MYRIP: variants seen among roughly 807,000 people sequenced by gnomAD.
MYRIP encodes the protein rab effector MyRIP.
Under a neutral mutation model 98.0 loss-of-function variants are expected in MYRIP, and 49 were observed. That is an observed-to-expected ratio of 0.50 (90% CI 0.40 to 0.63). The LOEUF is 0.63. Ranked by LOEUF, MYRIP falls within the 30% of genes least tolerant of loss-of-function variation. The probability of loss-of-function intolerance (pLI) is 0.00; values close to 1 mark genes in which losing one functional copy is unlikely to be tolerated. For missense variants in MYRIP, 1,004 were observed against 1,058.2 expected, an observed-to-expected ratio of 0.95 and a Z score of 0.71; for synonymous variants, 404 against 409.5, an observed-to-expected ratio of 0.99 and a Z score of 0.16.
intron 3 of MYRIP, among the ~76,000 whole-genome samples, chr3:40,093,253 G>A (rs144540207): frequency 1.3e-5 from 2 of 152,330 alleles, no homozygotes; most frequent in African/African-American, 4.8e-5. Flanking sequence ...CAGTGACCCA[G>A]TGGCTGCAGG....
chr3:39,878,155 C>T (rs4676530), intron 1 of MYRIP, among the ~76,000 whole-genome samples: 48,802 of 152,066 alleles, frequency 0.32, 7,960 homozygotes, highest in Middle Eastern at 0.46. Flanking sequence ...GAGCCATATG[C>T]GGGATATAAT....
chr3:39,903,401 C>A (rs550108263), intron 2 of MYRIP, among the ~76,000 whole-genome samples: 10 of 152,222 alleles, frequency 6.6e-5, no homozygotes, highest in Non-Finnish European at 1.0e-4. Context: ...CCTTTTCCCC[C>A]GACCAGCTGT....
chr3:39,893,322 C>T (rs1488409439), intron 1 of MYRIP, among the ~76,000 whole-genome samples: 3 of 152,024 alleles, frequency 2.0e-5, no homozygotes, highest in Non-Finnish European at 4.4e-5. Flanking sequence ...ATAATAGGAA[C>T]CTGAGTAATT....
At chr3:40,137,674 AG>A (rs2125557198) in intron 3 of MYRIP, among the ~76,000 whole-genome samples, 1 of 152,300 alleles carries the variant, frequency 6.6e-6, no homozygotes, top group African/African-American at 2.4e-5. Flanking sequence ...CACGTCAAAA[AG>A]CTTATCCACC....
intron 2 of MYRIP, among the ~76,000 whole-genome samples, chr3:39,930,018 A>G (rs1944501255): frequency 6.6e-6 from 1 of 152,100 alleles, no homozygotes; most frequent in African/African-American, 2.4e-5. Flanking sequence ...TATTATGAAT[A>G]TTCATTAACA....
rs1196835172 is a variant in MYRIP at position 40,157,129 on chromosome 3, G to A, written c.470-5601G>A. On this transcript the variant is annotated intron_variant, in intron 4 of 16. Coordinates refer to ENST00000302541, the MANE Select transcript of MYRIP (RefSeq NM_015460.4). ...CCATTCAGTATGATATTGGCTGTGG[G>A]TTTGTCATAGATAGCTCTTATTATT... Among the ~76,000 whole-genome samples, 38 of 145,756 alleles carry A rather than the reference G, an allele frequency of 2.6e-4. 1 individual carries two copies. Among genetic ancestry groups the A allele is most frequent in the Admixed American group, 6.8e-5 (1 of 14,634 alleles).
chr3:39,830,454 A>G (rs1398355605), intron 1 of MYRIP, among the ~76,000 whole-genome samples: 1 of 152,028 alleles, frequency 6.6e-6, no homozygotes, highest in African/African-American at 2.4e-5. Flanking sequence ...GTCTCCTCAA[A>G]TATCTATACC....
At position 40,233,952 on chromosome 3, in the gene MYRIP, T is replaced by C; in HGVS notation, c.1999T>C (p.Trp667Arg). The change falls in exon 12 of 17, where the codon TGG (tryptophan) becomes CGG (arginine). Residue 667 changes from tryptophan to arginine, a missense_variant. Trp to Arg is a moderately radical substitution (Grantham distance 101). This residue lies in a region of MYRIP where 880 missense variants were observed against 907.7 expected (regional missense o/e 0.97). Transcript: ENST00000302541. Reference protein sequence around the residue: ...EELIAGSTGPWESPQVPPDRQ... With the variant: ...EELIAGSTGPRESPQVPPDRQ... ...GTTGATAGCAGGATCTACAGGGCCC[T>C]GGGAGTCCCCACAAGTCCCTCCTGA... is the stretch of plus-strand genomic sequence containing the variant. The C allele has an allele frequency of 6.2e-7, 1 of 1,613,888 alleles. No homozygotes were observed. The highest frequency in any genetic ancestry group is 8.5e-7 in the Non-Finnish European group (1 of 1,179,910).
In MYRIP at chr3:40,250,448, A is replaced by G. The variant is rs1476968377; in HGVS notation, c.2377A>G (p.Ile793Val). The change falls in exon 15 of 17, where the codon ATA (isoleucine) becomes GTA (valine). Residue 793 changes from isoleucine to valine, a missense_variant. By Grantham distance (29) the Ile-to-Val change is conservative. This residue lies in a region of MYRIP where 108 missense variants were observed against 111.1 expected (regional missense o/e 0.97). Coordinates refer to ENST00000302541, the MANE Select transcript of MYRIP (RefSeq NM_015460.4). ...TGTGTTCTGTTTGTAGGTACAAACC[A>G]TAGATACATCAAGGCAGCAAAGGAG... ...DQKQRTQVQT[I>V]DTSRQQRRKL... The G allele has an allele frequency of 1.9e-6, 3 of 1,614,256 alleles. No homozygotes were observed. The highest frequency in any genetic ancestry group is 2.2e-5 in the South Asian group (2 of 91,086).
chr3:39,972,735 C>T (rs1056920976), intron 2 of MYRIP, among the ~76,000 whole-genome samples: 1 of 152,016 alleles, frequency 6.6e-6, no homozygotes. Context: ...GTTGCACTCA[C>T]CTGCCATTTG....
chr3:40,197,381 T>C (rs191304816), intron 10 of MYRIP, among the ~76,000 whole-genome samples: 5 of 152,244 alleles, frequency 3.3e-5, no homozygotes, highest in Admixed American at 3.3e-4. Flanking sequence ...GGCCCCTGAG[T>C]TGGGGACCCC....
intron 2 of MYRIP, among the ~76,000 whole-genome samples, chr3:40,034,414 A>T (rs963559830): frequency 4.3e-4 from 65 of 152,290 alleles, no homozygotes; most frequent in Non-Finnish European, 7.8e-4. Flanking sequence ...TGGGCGAAGG[A>T]TATGAACAGA....
chr3:40,190,223 G>C lies in MYRIP; in HGVS notation c.1425G>C (p.Leu475Phe). 1 of 1,614,120 alleles carries C rather than the reference G, an allele frequency of 6.2e-7. No homozygotes were observed. The highest frequency in any genetic ancestry group is 8.5e-7 in the Non-Finnish European group (1 of 1,180,022). The change falls in exon 10 of 17, where the codon TTG becomes TTC. Residue 475 changes from leucine (L) to phenylalanine (F), a missense_variant. By Grantham distance (22) the Leu-to-Phe change is conservative. Around this residue, in one of 3 missense-constraint regions of MYRIP, gnomAD observed 880 missense variants for 907.7 expected, o/e 0.97. Transcript: ENST00000302541. The stretch of plus-strand genomic sequence containing the variant: ...GGCACCAGGCCAGACTGTCCTGGTT[G>C]CAGAGGAAGGCCCCCAGGAACCCTG... ...EVGHQARLSW[L>F]QRKAPRNPAA... is the part of the protein sequence containing the mutation.
Position 40,105,952 on chromosome 3 carries a change from G to A in MYRIP, c.333-45096G>A, listed in dbSNP as rs546332782. On this transcript the variant is annotated intron_variant, in intron 3 of 16. Transcript: ENST00000302541. ...ACAATTCAAGATGAGATTTGGGTGG[G>A]GACACAACCAAACCATATCAGTTAC... Among the ~76,000 whole-genome samples, 290 of 151,908 alleles carry A rather than the reference G, an allele frequency of 1.9e-3. 2 individuals carry two copies. Among genetic ancestry groups the A allele is most frequent in the African/African-American group, 6.8e-3 (281 of 41,404 alleles).
At position 40,258,600 on chromosome 3, in the gene MYRIP, C is replaced by T. The variant is rs756663857; in HGVS notation, c.*434C>T. On this transcript the variant is annotated 3_prime_UTR_variant, in exon 17 of 17. Coordinates refer to ENST00000302541, the MANE Select transcript of MYRIP (RefSeq NM_015460.4). ...GGAAGGTGGGAATTATTATTTAATA[C>T]ATCATTAATGCTTATTAATCTCTCA... 5.4e-6 allele frequency: 1 copy of T among 186,560 alleles called. No homozygotes were observed. Among genetic ancestry groups the T allele is most frequent in the Non-Finnish European group, 1.2e-5 (1 of 86,548 alleles). 11.6% of individuals were successfully genotyped at this position (186,560 alleles called of 1,614,324 possible).
intron 7 of MYRIP, among the ~76,000 whole-genome samples, chr3:40,168,406 A>G (rs1950542771): frequency 6.6e-6 from 1 of 152,226 alleles, no homozygotes; most frequent in Non-Finnish European, 1.5e-5. Flanking sequence ...GCATTAGCCT[A>G]TAACTGGGCA....
intron 2 of MYRIP, among the ~76,000 whole-genome samples, chr3:40,017,082 T>G (rs1162241211): frequency 1.3e-5 from 2 of 152,238 alleles, no homozygotes; most frequent in African/African-American, 4.8e-5. Flanking sequence ...GAATTTACTA[T>G]TTAAAGCCAC....
intron 1 of MYRIP, among the ~76,000 whole-genome samples, chr3:39,810,132 T>C (rs1022058726): frequency 1.3e-5 from 2 of 152,208 alleles, no homozygotes; most frequent in African/African-American, 2.4e-5. Context: ...TGCTCAGGGA[T>C]CATCGCGGAG....
chr3:40,142,633 A>AT (rs1470435650), intron 3 of MYRIP, among the ~76,000 whole-genome samples: 1 of 151,036 alleles, frequency 6.6e-6, no homozygotes, highest in East Asian at 2.0e-4. Context: ...TGATTTTTGT[A>AT]TTTTTTGTAG....
Sources: gnomAD v4.1 joint callset for allele counts (sites outside exome capture counted in the v4.1 genomes callset) on GRCh38, gnomAD v4.1.1 for gene constraint, gnomAD v4.1.1 regional missense constraint, MANE v1.5 for transcripts, NCBI Gene and HGNC (gene_info 2026-07-23, HGNC 2026-07-21) for gene names.